The following NRG1 variants were observed in gnomAD, a reference collection of about 807,000 sequenced individuals.
The protein encoded by NRG1 is neuregulin 1.
A neutral mutation model predicts 63.8 loss-of-function variants in NRG1; 18 were observed. The ratio of observed to expected loss-of-function variants is 0.28; its 90% CI spans 0.19 to 0.42. The LOEUF (loss-of-function observed/expected upper bound fraction) is 0.42, where lower values mean the gene tolerates loss of function less well. Among genes scored for constraint, NRG1 ranks in the 10% least tolerant of loss-of-function variants. The probability of loss-of-function intolerance (pLI) is 1.00; values close to 1 mark genes in which losing one functional copy is unlikely to be tolerated. For missense variants in NRG1, 762 were observed against 814.7 expected (o/e 0.94, Z 0.79); for synonymous variants, 302 against 301.3 (o/e 1.00, Z -0.02).
At chr8:32,668,212 CA>C (rs35142176) in intron 5 of NRG1, among the ~76,000 whole-genome samples, 58,090 of 141,576 alleles carry the variant, frequency 0.41, 11,345 homozygotes, top group African/African-American at 0.47. Context: ...GACTCCATCT[CA>C]AAAAAAAAAA....
chr8:31,905,387 G>A (rs1832440576), intron 1 of NRG1, among the ~76,000 whole-genome samples: 1 of 152,128 alleles, frequency 6.6e-6, no homozygotes, highest in South Asian at 2.1e-4. Context: ...AAACACTTGA[G>A]TTTCTGGAGA....
chr8:32,584,796 G>A (rs1005080432), intron 1 of NRG1, among the ~76,000 whole-genome samples: 4 of 152,174 alleles, frequency 2.6e-5, no homozygotes, highest in African/African-American at 9.6e-5. Flanking sequence ...AATGTTCTTA[G>A]ATCATGAATC....
At chr8:32,379,861 C>T (rs1451965488) in intron 1 of NRG1, among the ~76,000 whole-genome samples, 3 of 152,166 alleles carry the variant, frequency 2.0e-5, no homozygotes, top group African/African-American at 7.2e-5. Context: ...TCAAGGACTT[C>T]GTTCATGGGA....
chr8:31,854,063 C>G (rs1827558734), intron 1 of NRG1, among the ~76,000 whole-genome samples: 2 of 151,194 alleles, frequency 1.3e-5, no homozygotes, highest in South Asian at 4.2e-4. Flanking sequence ...GGATATTGGT[C>G]TAAAATTCTC....
chr8:32,609,636 CCTCT>C (rs946178484), intron 3 of NRG1, among the ~76,000 whole-genome samples: 2 of 130,424 alleles, frequency 1.5e-5, no homozygotes, highest in African/African-American at 5.8e-5. Flanking sequence ...TCCCTCCCTC[CCTCT>C]GTCTGTCTCT....
chr8:32,746,990 G>A (rs1827567868), intron 7 of NRG1, among the ~76,000 whole-genome samples: 2 of 149,218 alleles, frequency 1.3e-5, no homozygotes, highest in Non-Finnish European at 3.0e-5. Flanking sequence ...TTGTTTCCTT[G>A]TTAGGGCTTA....
chr8:32,728,707 A>G (rs1822887638), intron 6 of NRG1: 1 of 937,962 alleles, frequency 1.1e-6, no homozygotes, highest in African/African-American at 1.8e-5. Context: ...TCATTTGTCT[A>G]TAGATATATC....
intron 7 of NRG1, chr8:32,748,550 C>T: frequency 4.0e-6 from 1 of 248,902 alleles, no homozygotes; most frequent in Non-Finnish European, 8.0e-6. Flanking sequence ...TCTGCAGGTT[C>T]TGCTGTTCTT....
At chr8:32,399,458 C>A (rs770501589) in intron 1 of NRG1, among the ~76,000 whole-genome samples, 1 of 152,224 alleles carries the variant, frequency 6.6e-6, no homozygotes. Flanking sequence ...CTTTGGGAGG[C>A]CAAGGCGGGG....
At chr8:31,649,998 A>G (rs927871921) in intron 1 of NRG1, among the ~76,000 whole-genome samples, 1 of 152,008 alleles carries the variant, frequency 6.6e-6, no homozygotes, top group Admixed American at 6.6e-5. Flanking sequence ...TGTTTGTTTC[A>G]GACAGGGTCT....
intron 1 of NRG1, among the ~76,000 whole-genome samples, chr8:31,720,520 T>A (rs1308560162): frequency 6.6e-6 from 1 of 152,164 alleles, no homozygotes. Context: ...CCCCAGTATG[T>A]GTTGTTCCCA....
intron 1 of NRG1, among the ~76,000 whole-genome samples, chr8:32,101,670 A>T (rs1830598230): frequency 6.6e-6 from 1 of 152,144 alleles, no homozygotes; most frequent in African/African-American, 2.4e-5. Flanking sequence ...GCAGATGCAA[A>T]GTTGAAGTAT....
chr8:32,345,008 A>T, intron 1 of NRG1, among the ~76,000 whole-genome samples: 1 of 152,110 alleles, frequency 6.6e-6, no homozygotes, highest in East Asian at 1.9e-4. Context: ...AAATGTCGGT[A>T]TTCTAGTAGC....
chr8:32,121,398 CGTGTGTGT>C (rs140452698), intron 1 of NRG1, among the ~76,000 whole-genome samples: 2 of 148,792 alleles, frequency 1.3e-5, no homozygotes, highest in African/African-American at 4.9e-5. Flanking sequence ...CCTGGGAAAT[CGTGTGTGT>C]GTGTGTGTGT....
At chr8:31,785,829 G>A (rs1206004921) in intron 1 of NRG1, among the ~76,000 whole-genome samples, 1 of 152,132 alleles carries the variant, frequency 6.6e-6, no homozygotes, top group African/African-American at 2.4e-5. Context: ...AGTATCATGT[G>A]GTATACAGAG....
chr8:32,654,434 G>A (rs1474389100), intron 5 of NRG1, among the ~76,000 whole-genome samples: 1 of 152,082 alleles, frequency 6.6e-6, no homozygotes, highest in Non-Finnish European at 1.5e-5. Context: ...TTCCAGACCA[G>A]CCTGGCCAAC....
intron 1 of NRG1, among the ~76,000 whole-genome samples, chr8:32,460,674 GACA>G (rs1208741342): frequency 5.3e-5 from 8 of 152,250 alleles, no homozygotes; most frequent in Middle Eastern, 3.4e-3. Flanking sequence ...AAAAAACCCA[GACA>G]ACAACAATTT....
At chr8:32,131,238 A>G (rs1834781043) in intron 1 of NRG1, among the ~76,000 whole-genome samples, 1 of 152,000 alleles carries the variant, frequency 6.6e-6, no homozygotes. Flanking sequence ...GCTTATGAAA[A>G]TGCAGTTATG....
chr8:32,614,411 C>T (rs1846934312), intron 3 of NRG1, 103 bp from the exon 4 acceptor site: 8 of 1,127,222 alleles, frequency 7.1e-6, no homozygotes, highest in Non-Finnish European at 1.1e-5. Flanking sequence ...CCTTGCAATA[C>T]TTCCTTCCTT....
Sources: gnomAD v4.1 joint callset for allele counts (sites outside exome capture counted in the v4.1 genomes callset) on GRCh38, gnomAD v4.1.1 for gene constraint, MANE v1.5 for transcripts, NCBI Gene and HGNC (gene_info 2026-07-23, HGNC 2026-07-21) for gene names.